Variants in GPLD1 observed in about 807,000 individuals in gnomAD.
The protein encoded by GPLD1 is glycosylphosphatidylinositol specific phospholipase D1.
A neutral mutation model predicts 112.6 loss-of-function variants in GPLD1; 84 were observed. That is an observed-to-expected ratio of 0.75 (90% CI 0.63 to 0.89). The LOEUF (loss-of-function observed/expected upper bound fraction) is 0.89. Ranked by LOEUF, GPLD1 falls within the 40% of genes least tolerant of loss-of-function variation. The pLI is 0.00. For synonymous variants in GPLD1, 386 were observed against 403.8 expected, an observed-to-expected ratio of 0.96 and a Z score of 0.53; for missense variants, 1,044 against 1,051.5, an observed-to-expected ratio of 0.99 and a Z score of 0.10.
At position 24,428,968 on chromosome 6, in the gene GPLD1, T is replaced by C; in HGVS notation, c.*64A>G. ...GGATGTGCCACTTTGTCCATCAAAA[T>C]GCTCACCATGGATGTGATTCAGCAT... On this transcript the variant is annotated 3_prime_UTR_variant, in exon 25 of 25. Coordinates refer to ENST00000230036, the MANE Select transcript of GPLD1 (RefSeq NM_001503.4). 4.4e-6 allele frequency: 5 copies of C among 1,127,754 alleles called. No homozygotes were observed. The highest frequency in any genetic ancestry group is 6.5e-6 in the Non-Finnish European group (5 of 764,680). The allele number at this position is 1,127,754 out of a possible 1,614,324, so 69.9% of individuals were successfully genotyped here.
intron 14 of GPLD1, among the ~76,000 whole-genome samples, chr6:24,451,233 C>CT (rs200488554): frequency 2.3e-4 from 35 of 151,860 alleles, no homozygotes; most frequent in African/African-American, 7.5e-4. Context: ...TCTCTTCAGA[C>CT]TTTTTTTTTC....
chr6:24,472,494 T>C (rs565277180), intron 7 of GPLD1, 88 bp downstream of exon 7: 6 of 766,780 alleles, frequency 7.8e-6, no homozygotes, highest in South Asian at 3.1e-5. Context: ...GACTTCTAAT[T>C]ATATTGTCAG....
Position 24,456,612 on chromosome 6 carries a change from G to T in GPLD1, c.1034C>A (p.Ala345Asp). The T allele has an allele frequency of 6.2e-7, 1 of 1,604,300 alleles. No homozygotes were observed. Residue 345 changes from alanine (A) to aspartate (D), a missense_variant, in exon 13 of 25, where the codon GCT (alanine) becomes GAT (aspartate). Ala to Asp is a moderately radical substitution (Grantham distance 126, BLOSUM62 -2). Transcript: ENST00000230036. Reference protein sequence around the residue: ...TPDSMSFIYKALERNIRTMFI... With the variant: ...TPDSMSFIYKDLERNIRTMFI... ...CATTGTCCTTATGTTCCTTTCCAAA[G>T]CCTTGTAGATAAAGGACATGGAATC...
intron 7 of GPLD1, among the ~76,000 whole-genome samples, chr6:24,471,132 T>C (rs1003087521): frequency 2.0e-5 from 3 of 152,186 alleles, no homozygotes; most frequent in Non-Finnish European, 4.4e-5. Flanking sequence ...AAATAATCAA[T>C]ATTGTTCAGG....
rs911797667 is a variant in GPLD1, at chr6:24,434,395, T to TA, written c.2359-1007dup. Among the ~76,000 whole-genome samples, 130 of 136,040 alleles carry TA rather than the reference T, an allele frequency of 9.6e-4. 1 individual carries two copies. The highest frequency in any genetic ancestry group is 2.6e-3 in the East Asian group (12 of 4,552). 89.2% of individuals were successfully genotyped at this position (136,040 alleles called of 152,430 possible). On this transcript the variant is annotated intron_variant, in intron 22 of 24. Coordinates refer to ENST00000230036, the MANE Select transcript of GPLD1 (RefSeq NM_001503.4). Reference sequence around the variant, plus strand: ...CCTGGATGACAGAGTGAGACTCCATTAAAAAAAAAAAAGTTACAAAATTAT... The same window carrying TA: ...CCTGGATGACAGAGTGAGACTCCATTAAAAAAAAAAAAAGTTACAAAATTAT...
intron 2 of GPLD1, among the ~76,000 whole-genome samples, chr6:24,482,967 C>T (rs1764254232): frequency 2.0e-5 from 3 of 151,928 alleles, no homozygotes; most frequent in Admixed American, 2.0e-4. Context: ...TATTTTTAAG[C>T]TATAGAAACA....
chr6:24,465,260 C>A (rs1315912707), intron 10 of GPLD1, among the ~76,000 whole-genome samples: 1 of 151,006 alleles, frequency 6.6e-6, no homozygotes. Context: ...GGTTTTCCGG[C>A]CACGCATGGT....
intron 5 of GPLD1, 21 bp downstream of exon 5, chr6:24,475,100 C>G: frequency 8.4e-7 from 1 of 1,196,428 alleles, no homozygotes; most frequent in Non-Finnish European, 1.3e-6. Context: ...AAAGTCATTC[C>G]CCATAAAGGG....
At chr6:24,473,231 TCAC>T (rs1026140057) in intron 6 of GPLD1, 2 of 160,600 alleles carry the variant, frequency 1.2e-5, no homozygotes, top group African/African-American at 4.8e-5. Flanking sequence ...TAAACACCAT[TCAC>T]CACCTAGTTT....
chr6:24,487,111 T>C (rs1764401953), intron 1 of GPLD1, among the ~76,000 whole-genome samples: 1 of 151,134 alleles, frequency 6.6e-6, no homozygotes, highest in Non-Finnish European at 1.5e-5. Flanking sequence ...AAAATTCATA[T>C]AACAAAAAAC....
rs367957618 is a variant in GPLD1, at chr6:24,436,781, C to T, written c.2198-45G>A. 9.4e-6 allele frequency: 15 copies of T among 1,588,144 alleles called. No homozygotes were observed. The African/African-American group carries it at 1.3e-4, about 14-fold the overall frequency. On this transcript the variant is annotated intron_variant, in intron 21 of 24. Coordinates refer to ENST00000230036, the MANE Select transcript of GPLD1 (RefSeq NM_001503.4). ...ACAGAAGGAAGTATTTGACTCCTCACTGTCATCTTTTCCTTGTTCCGCTAC... is the reference window on the plus strand; with the variant it reads ...ACAGAAGGAAGTATTTGACTCCTCATTGTCATCTTTTCCTTGTTCCGCTAC...
At chr6:24,458,690 C>T (rs954182902) in intron 12 of GPLD1, among the ~76,000 whole-genome samples, 1 of 152,054 alleles carries the variant, frequency 6.6e-6, no homozygotes, top group Admixed American at 6.6e-5. Context: ...ACCAGCCTGG[C>T]CAACATGGTG....
At chr6:24,455,768 G>C (rs539739206) in intron 13 of GPLD1, among the ~76,000 whole-genome samples, 91 of 152,302 alleles carry the variant, frequency 6.0e-4, no homozygotes, top group Admixed American at 3.5e-3. Flanking sequence ...AAAATTCCAT[G>C]AAACAATCCT....
chr6:24,460,425 T>A (rs757388829), intron 11 of GPLD1, 26 bp from the exon 12 acceptor site: 2 of 1,609,326 alleles, frequency 1.2e-6, no homozygotes, highest in Non-Finnish European at 1.7e-6. Context: ...AGGAATAAAC[T>A]GGTTACGACT....
Position 24,447,959 on chromosome 6 carries a change from G to A in GPLD1, c.1596C>T (p.Ile532=), listed in dbSNP as rs2295648. 219 of 1,613,738 alleles carry A rather than the reference G, an allele frequency of 1.4e-4. 1 individual carries two copies. In the East Asian group the frequency reaches 3.7e-3, roughly 27 times the overall value. The change falls in exon 17 of 25, where the codon ATC becomes ATT. Residue 532 remains isoleucine (I), a synonymous_variant. Coordinates refer to ENST00000230036, the MANE Select transcript of GPLD1 (RefSeq NM_001503.4). ...VNGDSEPDLV[I]GSPFAPGGGK... is the part of the protein sequence containing the mutation. Reference sequence around the variant, plus strand: ...CTCCACCTGGTGCAAAAGGGGAGCCGATGACCAGATCGGGTTCACTGTCTC... The same window carrying A: ...CTCCACCTGGTGCAAAAGGGGAGCCAATGACCAGATCGGGTTCACTGTCTC...
rs530112403 is a variant in GPLD1, at chr6:24,494,926, C to T, written n.239+41G>A. On this transcript the variant is annotated intron_variant and non_coding_transcript_variant, in intron 1 of 10. Transcript: ENST00000474784. ...CGGCGCCTCCTCGCTCCTCTTGCTTCCCCGCGACCCCTGCGTTCCCGTGCG... is the reference window on the plus strand; with the variant it reads ...CGGCGCCTCCTCGCTCCTCTTGCTTTCCCGCGACCCCTGCGTTCCCGTGCG... The T allele has an allele frequency of 6.5e-5, 81 of 1,255,370 alleles. No individual in the cohort carries two copies. In the East Asian group the frequency reaches 2.3e-3, roughly 36 times the overall value. The allele number at this position is 1,255,370 out of a possible 1,614,324, so 77.8% of individuals were successfully genotyped here.
chr6:24,464,863 T>G (rs1296864634), intron 10 of GPLD1, among the ~76,000 whole-genome samples: 1 of 151,972 alleles, frequency 6.6e-6, no homozygotes, highest in South Asian at 2.1e-4. Flanking sequence ...AGGTCAGTAG[T>G]GGGGAGAGGC....
At chr6:24,476,435 CG>C (rs1344660339) in intron 3 of GPLD1, among the ~76,000 whole-genome samples, 157 bp from the exon 4 acceptor site, 3 of 152,144 alleles carry the variant, frequency 2.0e-5, no homozygotes, top group Non-Finnish European at 4.4e-5. Context: ...GCCTCTAAAA[CG>C]GAAGAGCCAG....
At chr6:24,494,788 A>T in intron 1 of GPLD1, 2 of 484,566 alleles carry the variant, frequency 4.1e-6, no homozygotes, top group Non-Finnish European at 6.4e-6. Flanking sequence ...CGCGGCGCTT[A>T]GGGCAAGGTG....
Sources: allele counts gnomAD v4.1 joint callset (sites outside exome capture counted in the v4.1 genomes callset), GRCh38; gene constraint gnomAD v4.1.1; transcripts MANE v1.5; gene names NCBI Gene and HGNC (gene_info 2026-07-23, HGNC 2026-07-21).